Variants in KCNJ15 observed in about 807,000 individuals in gnomAD.
KCNJ15 encodes ATP-sensitive inward rectifier potassium channel 15.
Under a neutral mutation model 23.0 loss-of-function variants are expected in KCNJ15, and 14 were observed. The observed-to-expected ratio is 0.61, with a 90% confidence interval of 0.40 to 0.95. The LOEUF (loss-of-function observed/expected upper bound fraction) is 0.95. KCNJ15 is among the 40% of genes least tolerant of loss of function. The pLI is 0.00. For synonymous variants in KCNJ15, 185 were observed against 183.2 expected, an observed-to-expected ratio of 1.01 and a Z score of -0.08; for missense variants, 388 against 461.8, an observed-to-expected ratio of 0.84 and a Z score of 1.46.
At chr21:38,285,116 A>G (rs1735828154) in intron 1 of KCNJ15, among the ~76,000 whole-genome samples, 1 of 152,204 alleles carries the variant, frequency 6.6e-6, no homozygotes, top group South Asian at 2.1e-4. Context: ...CCTTTTCAAC[A>G]TTTTTTGAAT....
intron 1 of KCNJ15, among the ~76,000 whole-genome samples, chr21:38,270,740 T>TA (rs746959757): frequency 1.7e-4 from 26 of 151,680 alleles, no homozygotes; most frequent in African/African-American, 4.6e-4. Flanking sequence ...TAAGAGAACA[T>TA]AAAAAAAAAT....
chr21:38,233,752 T>G (rs188565040), intron 1 of KCNJ15, among the ~76,000 whole-genome samples: 82 of 152,242 alleles, frequency 5.4e-4, no homozygotes, highest in African/African-American at 1.9e-3. Flanking sequence ...ATATATTAAC[T>G]TATCAGAATG....
intron 1 of KCNJ15, among the ~76,000 whole-genome samples, chr21:38,292,748 C>T (rs1984740967): frequency 6.6e-6 from 1 of 152,130 alleles, no homozygotes; most frequent in African/African-American, 2.4e-5. Flanking sequence ...GTGAGCAGAT[C>T]ACCTGAGGTC....
At chr21:38,242,949 C>T (rs1246370624) in intron 1 of KCNJ15, among the ~76,000 whole-genome samples, 1 of 152,132 alleles carries the variant, frequency 6.6e-6, no homozygotes, top group African/African-American at 2.4e-5. Flanking sequence ...AAATGTTGAA[C>T]AAATAAAATG....
rs1465771632 is a variant in KCNJ15 at position 38,306,498 on chromosome 21, G to T, written c.*6109G>T. 1 of 152,184 alleles carries T rather than the reference G, an allele frequency of 6.6e-6. No homozygotes were observed. Among genetic ancestry groups the T allele is most frequent in the Non-Finnish European group, 1.5e-5 (1 of 68,030 alleles). 9.4% of individuals were successfully genotyped at this position (152,184 alleles called of 1,614,324 possible). ...GAGCTTCCAAGAAGGTGATTGGAGG[G>T]AAGTTCAAAGGGAAGATTTTTTTCA... On this transcript the variant is annotated 3_prime_UTR_variant, in exon 3 of 3. Transcript: ENST00000398938.
In KCNJ15 at chr21:38,288,030, G is replaced by GTTTTTTTTTTTTTTTTTTTTT. The variant is rs71184612; in HGVS notation, c.-116-8888_-116-8868dup. Reference sequence around the variant, plus strand: ...TGTTAAATAACTTGTTTTTTTCTTTGTTTTTTTTTTTTTTTTTTTTTTTTT... The same window carrying GTTTTTTTTTTTTTTTTTTTTT: ...TGTTAAATAACTTGTTTTTTTCTTTGTTTTTTTTTTTTTTTTTTTTTTTTTTTTTTTTTTTTTTTTTTTTTT... On this transcript the variant is annotated intron_variant, in intron 1 of 2. Coordinates refer to ENST00000398938, the MANE Select transcript of KCNJ15 (RefSeq NM_170736.3). Among the ~76,000 whole-genome samples, 25 of 81,424 alleles carry GTTTTTTTTTTTTTTTTTTTTT rather than the reference G, an allele frequency of 3.1e-4. 2 individuals are homozygous for GTTTTTTTTTTTTTTTTTTTTT. The highest frequency in any genetic ancestry group is 5.0e-4 in the South Asian group (1 of 1,996). The allele number at this position is 81,424 out of a possible 152,430, so 53.4% of individuals were successfully genotyped here. A position where few individuals can be genotyped will look rare whatever the true frequency, so the allele number is the denominator to read the frequency against.
chr21:38,292,002 C>A (rs1251893858), intron 1 of KCNJ15, among the ~76,000 whole-genome samples: 1 of 152,174 alleles, frequency 6.6e-6, no homozygotes, highest in Non-Finnish European at 1.5e-5. Flanking sequence ...TTAATTACAG[C>A]TGCTTAATCT....
intron 1 of KCNJ15, among the ~76,000 whole-genome samples, chr21:38,233,488 T>A (rs1461611184): frequency 6.6e-6 from 1 of 152,148 alleles, no homozygotes. Context: ...ATGTCTCATA[T>A]CACATTTTGT....
At position 38,300,138 on chromosome 21, in the gene KCNJ15, G is replaced by C. The variant is rs758161613; in HGVS notation, c.877G>C (p.Val293Leu). 3.7e-6 allele frequency: 6 copies of C among 1,614,110 alleles called. No homozygotes were observed. The East Asian group carries it at 8.9e-5, about 24-fold the overall frequency. The change falls in exon 3 of 3, where the codon GTC (valine) becomes CTC (leucine). Residue 293 changes from valine (V) to leucine (L), a missense_variant. Transcript: ENST00000398938. ...LNATVESTSA[V>L]CQSRTSYIPE... ...TGCCACTGTGGAATCCACCAGCGCTGTCTGCCAGAGCCGAACATCTTATAT... is the reference window on the plus strand; with the variant it reads ...TGCCACTGTGGAATCCACCAGCGCTCTCTGCCAGAGCCGAACATCTTATAT...
intron 1 of KCNJ15, among the ~76,000 whole-genome samples, chr21:38,284,152 C>G (rs2123687372): frequency 6.6e-6 from 1 of 152,326 alleles, no homozygotes; most frequent in African/African-American, 2.4e-5. Context: ...ACCTTCAAAC[C>G]TGCACCCCAG....
intron 1 of KCNJ15, among the ~76,000 whole-genome samples, chr21:38,242,906 G>A (rs532848328): frequency 2.0e-5 from 3 of 152,144 alleles, no homozygotes; most frequent in Non-Finnish European, 4.4e-5. Flanking sequence ...GAAGGGTGCC[G>A]GGCCCACTGT....
chr21:38,235,659 A>G (rs1978554139), intron 1 of KCNJ15, among the ~76,000 whole-genome samples: 1 of 152,240 alleles, frequency 6.6e-6, no homozygotes, highest in Non-Finnish European at 1.5e-5. Flanking sequence ...GGAGTGCCAC[A>G]GCAAGAGCTC....
intron 1 of KCNJ15, among the ~76,000 whole-genome samples, chr21:38,292,786 T>C (rs1306878500): frequency 1.3e-5 from 2 of 151,984 alleles, no homozygotes; most frequent in African/African-American, 4.8e-5. Flanking sequence ...CTGGCCAACA[T>C]GGTGAAACCC....
chr21:38,232,592 A>T (rs566160589), intron 1 of KCNJ15, among the ~76,000 whole-genome samples: 2 of 151,864 alleles, frequency 1.3e-5, no homozygotes, highest in African/African-American at 4.8e-5. Flanking sequence ...ATGGCTATAC[A>T]TTTTCTTCTA....
chr21:38,234,460 A>G (rs1176046125), intron 1 of KCNJ15, among the ~76,000 whole-genome samples: 1 of 152,256 alleles, frequency 6.6e-6, no homozygotes, highest in African/African-American at 2.4e-5. Context: ...GAAACACCCA[A>G]TAGAAACAAC....
At chr21:38,298,099 C>T (rs1275063108) in intron 2 of KCNJ15, 1 of 152,140 alleles carries the variant, frequency 6.6e-6, no homozygotes, top group Non-Finnish European at 1.5e-5. Context: ...AAACATGCCA[C>T]CCAGGTAAAG....
chr21:38,235,924 A>T (rs1045545293), intron 1 of KCNJ15, among the ~76,000 whole-genome samples: 2 of 152,226 alleles, frequency 1.3e-5, no homozygotes, highest in African/African-American at 4.8e-5. Context: ...TGGATCTTTG[A>T]TGAGCTTCAA....
intron 1 of KCNJ15, among the ~76,000 whole-genome samples, chr21:38,295,124 G>A (rs571037659): frequency 8.5e-5 from 13 of 152,312 alleles, no homozygotes; most frequent in Non-Finnish European, 1.5e-4. Context: ...TTTACCTGGA[G>A]ATGATTTTGC....
intron 1 of KCNJ15, among the ~76,000 whole-genome samples, chr21:38,288,336 C>T (rs1190992965): frequency 6.6e-6 from 1 of 152,012 alleles, no homozygotes; most frequent in Non-Finnish European, 1.5e-5. Context: ...CCACCGCGCC[C>T]AGCCATAATT....
Sources: gnomAD v4.1 joint callset for allele counts (sites outside exome capture counted in the v4.1 genomes callset) on GRCh38, gnomAD v4.1.1 for gene constraint, MANE v1.5 for transcripts, NCBI Gene and HGNC (gene_info 2026-07-23, HGNC 2026-07-21) for gene names.